The following HR variants were observed in gnomAD, a reference collection of about 807,000 sequenced individuals.
HR encodes HR lysine demethylase and nuclear receptor corepressor.
In HR, 83 loss-of-function variants were observed where a neutral mutation model predicts 128.6. That is an observed-to-expected ratio of 0.65 (90% CI 0.54 to 0.77). HR has a LOEUF of 0.77. Among genes scored for constraint, HR ranks in the 30% least tolerant of loss-of-function variants. The pLI is 0.00. For missense variants in HR, 1,490 were observed against 1,574.6 expected (o/e 0.95, Z 0.91); for synonymous variants, 681 against 658.2 (o/e 1.03, Z -0.53).
intron 7 of HR, 72 bp downstream of exon 7, chr8:22,122,718 G>A: frequency 6.7e-7 from 1 of 1,494,544 alleles, no homozygotes; most frequent in Non-Finnish European, 9.1e-7. Flanking sequence ...TGGGGGGAGG[G>A]ACAATCAGAC....
intron 2 of HR, 134 bp from the exon 3 acceptor site, chr8:22,127,963 C>T: frequency 2.2e-6 from 2 of 915,018 alleles, no homozygotes; most frequent in Non-Finnish European, 3.5e-6. Context: ...ACAGCACTGC[C>T]CTAGGTCTCT....
At position 22,120,157 on chromosome 8, in the gene HR, G is replaced by A. The variant is rs777008413; in HGVS notation, c.2793C>T (p.Asp931=). The change falls in exon 13 of 19, where the codon GAC becomes GAT. Residue 931 remains aspartate, a synonymous_variant. Transcript: ENST00000381418. ...FSWPELRPKS[D]EGSVLLLHRA... ...GGTGCAGCAGGAGGACAGAGCCCTC[G>A]TCTGACTTTGGGCGAACTACAGGAG... 15 of 1,593,296 alleles carry A rather than the reference G, an allele frequency of 9.4e-6. No homozygotes were observed. The highest frequency in any genetic ancestry group is 6.8e-5 in the East Asian group (3 of 44,202).
Position 22,116,002 on chromosome 8 carries a change from G to T in HR, c.3508-240C>A, listed in dbSNP as rs1826575403. On this transcript the variant is annotated intron_variant, in intron 18 of 18. Coordinates refer to ENST00000381418, the MANE Select transcript of HR (RefSeq NM_005144.5). The surrounding 1 kb of genome is among the most constrained non-coding windows in gnomAD (Gnocchi z 4.2). ...CAAAAAAATTTAACCAGGCATGGTG[G>T]TGGGCGCCTGTAGTCCCAGCTACTT... is the stretch of plus-strand genomic sequence containing the variant. Among the ~76,000 whole-genome samples, 1 of 152,160 alleles carries T rather than the reference G, an allele frequency of 6.6e-6. No individual in the cohort carries two copies. Among genetic ancestry groups the T allele is most frequent in the South Asian group, 2.1e-4 (1 of 4,830 alleles).
rs1216476445 is a variant in HR, at chr8:22,120,623, C to T, written c.2610+93G>A. The T allele has an allele frequency of 1.1e-5, 17 of 1,572,482 alleles. No homozygotes were observed. The East Asian group carries it at 3.2e-4, about 30-fold the overall frequency. On this transcript the variant is annotated intron_variant, in intron 11 of 18. Coordinates refer to ENST00000381418, the MANE Select transcript of HR (RefSeq NM_005144.5). ...CTCGGGGACAGCCCTCCTGCTCCCC[C>T]TGAGCCACTGGGTCTGTCTGGGCCT...
rs1826564576 is a variant in HR at position 22,115,582 on chromosome 8, CTTGTGGGGTTGA to C, written c.*106_*117del. ...TGCCCTGCTTGTGCCCAGAGTGGTG[CTTGTGGGGTTGA>C]CCAGAAATCCCCAAGTCCCCTAGCG... On this transcript the variant is annotated 3_prime_UTR_variant, in exon 19 of 19. Coordinates refer to ENST00000381418, the MANE Select transcript of HR (RefSeq NM_005144.5). The C allele has an allele frequency of 3.2e-5, 28 of 874,024 alleles. No homozygotes were observed. The South Asian group carries it at 3.8e-4, about 12-fold the overall frequency. 54.1% of individuals were successfully genotyped at this position (874,024 alleles called of 1,614,324 possible). A position where few individuals can be genotyped will look rare whatever the true frequency, so the allele number is the denominator to read the frequency against.
chr8:22,123,617 T>TCCCC, intron 6 of HR, 32 bp downstream of exon 6: 2 of 292,092 alleles, frequency 6.8e-6, no homozygotes, highest in South Asian at 3.0e-5. Context: ...GAGGGCTCCA[T>TCCCC]CCCGCCCTCC....
At chr8:22,122,290 G>C (rs912012627) in intron 8 of HR, among the ~76,000 whole-genome samples, 9 of 152,180 alleles carry the variant, frequency 5.9e-5, no homozygotes, top group African/African-American at 1.7e-4. Flanking sequence ...AGGAAGGCAG[G>C]GGGTGAGGAC....
At position 22,116,545 on chromosome 8, in the gene HR, G is replaced by A. The variant is rs962179627; in HGVS notation, c.3379-117C>T. 1.2e-5 allele frequency: 18 copies of A among 1,446,160 alleles called. No individual in the cohort carries two copies. The highest frequency in any genetic ancestry group is 1.6e-5 in the Non-Finnish European group (17 of 1,059,726). 89.6% of individuals were successfully genotyped at this position (1,446,160 alleles called of 1,614,324 possible). A position where few individuals can be genotyped will look rare whatever the true frequency, so the allele number is the denominator to read the frequency against. On this transcript the variant is annotated intron_variant, in intron 17 of 18. Coordinates refer to ENST00000381418, the MANE Select transcript of HR (RefSeq NM_005144.5). This position sits in a 1 kb window ranked among gnomAD's most constrained non-coding sequence, Gnocchi z 4.2. Reference sequence around the variant, plus strand: ...CCACCCCCGACCCCTGGCTCTCAGAGAGCAGATTCCTGGATGCACCACTGG... The same window carrying A: ...CCACCCCCGACCCCTGGCTCTCAGAAAGCAGATTCCTGGATGCACCACTGG...
At chr8:22,119,547 C>T (rs1376329430) in intron 14 of HR, among the ~76,000 whole-genome samples, 1 of 150,886 alleles carries the variant, frequency 6.6e-6, no homozygotes, top group East Asian at 1.9e-4. Context: ...GCGGAGGTTG[C>T]GGTGAGCCGA....
intron 8 of HR, 66 bp from the exon 9 acceptor site, chr8:22,121,760 C>T (rs1826761558): frequency 6.8e-7 from 1 of 1,475,302 alleles, no homozygotes; most frequent in Non-Finnish European, 9.4e-7. Context: ...CACAATTCAA[C>T]AGAACCCACA....
chr8:22,125,843 C>T (rs1826875965), intron 3 of HR, 111 bp from the exon 4 acceptor site: 8 of 1,263,546 alleles, frequency 6.3e-6, no homozygotes, highest in Non-Finnish European at 8.9e-6. Flanking sequence ...CAGTTCCTCG[C>T]CCCAGGTCTC....
At chr8:22,124,573 A>G (rs1394420796) in intron 5 of HR, among the ~76,000 whole-genome samples, 1 of 152,198 alleles carries the variant, frequency 6.6e-6, no homozygotes, top group African/African-American at 2.4e-5. Flanking sequence ...GGACCCATAA[A>G]TACAGCGATG....
Position 22,120,466 on chromosome 8 carries a change from G to T in HR, c.2652C>A (p.Asn884Lys), listed in dbSNP as rs1371274079. The T allele has an allele frequency of 6.2e-7, 1 of 1,613,924 alleles. No homozygotes were observed. The highest frequency in any genetic ancestry group is 8.5e-7 in the Non-Finnish European group (1 of 1,180,042). The stretch of plus-strand genomic sequence containing the variant: ...CCCCAAGAGCTTCTGTCCCCCACAG[G>T]TTGCCCTGCAATGTCCTTTGGATCC... ...VSGIQRTLQG[N>K]LWGTEALGAL... Residue 884 changes from asparagine (N) to lysine (K), a missense_variant, in exon 12 of 19, where the codon AAC becomes AAA. Physicochemically the swap from Asn to Lys is moderately conservative, Grantham distance 94. Transcript: ENST00000381418.
At chr8:22,119,134 C>A in intron 15 of HR, 30 bp downstream of exon 15, 3 of 1,613,736 alleles carry the variant, frequency 1.9e-6, no homozygotes, top group Non-Finnish European at 2.5e-6. Flanking sequence ...TGTAGCTTGT[C>A]CCCGCTCCTG....
intron 1 of HR, among the ~76,000 whole-genome samples, chr8:22,129,512 T>A (rs186785202): frequency 6.6e-5 from 10 of 152,260 alleles, no homozygotes; most frequent in Non-Finnish European, 1.0e-4. Flanking sequence ...TCACGACCCA[T>A]GAGGGAGGAC....
rs112173147 is a variant in HR, at chr8:22,116,914, G to A, written c.3339C>T (p.Pro1113=). The A allele has an allele frequency of 9.0e-6, 14 of 1,559,346 alleles. No individual in the cohort carries two copies. In the East Asian group the frequency reaches 9.3e-5, roughly 10 times the overall value. ...GVSCWTLLQA[P]GEAVLVPAGA... ...CTGCAGGCACCAGCACGGCCTCTCC[G>A]GGGGCCTGGAGCAGGGTCCAGCAGC... Residue 1113 remains proline, a synonymous_variant, in exon 17 of 19, where the codon CCC becomes CCT. Coordinates refer to ENST00000381418, the MANE Select transcript of HR (RefSeq NM_005144.5). This position sits in a 1 kb window ranked among gnomAD's most constrained non-coding sequence, Gnocchi z 4.2.
Position 22,129,174 on chromosome 8 carries a change from T to C in HR, c.-4A>G. 1 of 1,523,532 alleles carries C rather than the reference T, an allele frequency of 6.6e-7. No individual in the cohort carries two copies. The highest frequency in any genetic ancestry group is 8.8e-7 in the Non-Finnish European group (1 of 1,138,554). 94.4% of individuals were successfully genotyped at this position (1,523,532 alleles called of 1,614,324 possible). A position where few individuals can be genotyped will look rare whatever the true frequency, so the allele number is the denominator to read the frequency against. On this transcript the variant is annotated 5_prime_UTR_variant, in exon 2 of 19. Coordinates refer to ENST00000381418, the MANE Select transcript of HR (RefSeq NM_005144.5). ...GGAAGCTGGGCGTACTCTCCATCAC[T>C]CTCCTGCCCTCATGGGGCTCTCCCA...
At position 22,117,130 on chromosome 8, in the gene HR, G is replaced by A. The variant is rs1369829057; in HGVS notation, c.3214-91C>T. On this transcript the variant is annotated intron_variant, in intron 16 of 18. Coordinates refer to ENST00000381418, the MANE Select transcript of HR (RefSeq NM_005144.5). Reference sequence around the variant, plus strand: ...CATGGACTTTCCAGAGGCCAGGGGTGGAGAAAAGAGCCGAAGGGTCAAGTC... The same window carrying A: ...CATGGACTTTCCAGAGGCCAGGGGTAGAGAAAAGAGCCGAAGGGTCAAGTC... 7.7e-6 allele frequency: 10 copies of A among 1,294,942 alleles called. No individual in the cohort carries two copies. In the East Asian group the frequency reaches 2.6e-4, roughly 33 times the overall value. The allele number at this position is 1,294,942 out of a possible 1,614,324, so 80.2% of individuals were successfully genotyped here. A position where few individuals can be genotyped will look rare whatever the true frequency, so the allele number is the denominator to read the frequency against.
chr8:22,120,163 C>T lies in HR; in HGVS notation c.2787G>A (p.Lys929=). ...EGFSWPELRP[K]SDEGSVLLLH... ...GCAGGAGGACAGAGCCCTCGTCTGA[C>T]TTTGGGCGAACTACAGGAGGAGACA... Residue 929 remains lysine, a synonymous_variant, in exon 13 of 19, where the codon AAG becomes AAA. Coordinates refer to ENST00000381418, the MANE Select transcript of HR (RefSeq NM_005144.5). The T allele has an allele frequency of 6.3e-7, 1 of 1,593,786 alleles. No homozygotes were observed. Among genetic ancestry groups the T allele is most frequent in the Non-Finnish European group, 8.5e-7 (1 of 1,170,882 alleles).
Sources: gnomAD v4.1 joint callset for allele counts (sites outside exome capture counted in the v4.1 genomes callset) on GRCh38, gnomAD v4.1.1 for gene constraint, Gnocchi (gnomAD v3.1) non-coding constraint, MANE v1.5 for transcripts, NCBI Gene and HGNC (gene_info 2026-07-23, HGNC 2026-07-21) for gene names.